The following PPARGC1B variants were observed in gnomAD, a reference collection of about 807,000 sequenced individuals.
PPARGC1B encodes the protein PPARG coactivator 1 beta.
Under a neutral mutation model 101.6 loss-of-function variants are expected in PPARGC1B, and 34 were observed. The observed-to-expected ratio is 0.33, with a 90% CI of 0.25 to 0.45. PPARGC1B has a LOEUF of 0.45. PPARGC1B is among the 20% of genes least tolerant of loss of function. PPARGC1B has a pLI of 1.00. For missense variants in PPARGC1B, 1,234 were observed against 1,317.6 expected (o/e 0.94, Z 0.98); for synonymous variants, 548 against 539.3 (o/e 1.02, Z -0.22).
chr5:149,809,080 G>A (rs1328770058), intron 1 of PPARGC1B, among the ~76,000 whole-genome samples: 3 of 151,576 alleles, frequency 2.0e-5, no homozygotes, highest in Non-Finnish European at 2.9e-5. Context: ...GTTTGAGACC[G>A]GCCTGGACAA....
intron 2 of PPARGC1B, among the ~76,000 whole-genome samples, chr5:149,821,302 TG>T (rs1272420941): frequency 6.6e-6 from 1 of 152,212 alleles, no homozygotes. Flanking sequence ...CTCCCAGCCC[TG>T]TGTGCTCCAG....
chr5:149,752,579 AG>A (rs1238570776), intron 1 of PPARGC1B, among the ~76,000 whole-genome samples: 11 of 152,254 alleles, frequency 7.2e-5, no homozygotes, highest in Non-Finnish European at 2.9e-5. Flanking sequence ...CTGTAATCCC[AG>A]CACTTTGGGA....
intron 1 of PPARGC1B, among the ~76,000 whole-genome samples, chr5:149,802,246 G>GA (rs976978165): frequency 3.9e-5 from 6 of 152,192 alleles, no homozygotes; most frequent in African/African-American, 1.4e-4. Flanking sequence ...TACACGGTCT[G>GA]AAAGGACACA....
chr5:149,831,683 G>A (rs1000500754), intron 4 of PPARGC1B, among the ~76,000 whole-genome samples: 2 of 152,176 alleles, frequency 1.3e-5, no homozygotes, highest in Admixed American at 6.5e-5. Context: ...AGCCTAAGAA[G>A]CTCCCCAGAG....
At chr5:149,792,119 A>C (rs1357258304) in intron 1 of PPARGC1B, among the ~76,000 whole-genome samples, 1 of 152,084 alleles carries the variant, frequency 6.6e-6, no homozygotes, top group Non-Finnish European at 1.5e-5. Flanking sequence ...AGTGGTGGAA[A>C]GGGGAACACG....
intron 11 of PPARGC1B, chr5:149,846,943 G>A (rs897680623): frequency 1.2e-5 from 2 of 171,956 alleles, no homozygotes; most frequent in African/African-American, 4.8e-5. Context: ...AAATTAGCTG[G>A]GCGTGGTGGC....
chr5:149,763,661 G>C (rs1755799322), intron 1 of PPARGC1B, among the ~76,000 whole-genome samples: 1 of 151,324 alleles, frequency 6.6e-6, no homozygotes, highest in African/African-American at 2.4e-5. Flanking sequence ...CTCCTGAGTA[G>C]CTGGGACTAT....
chr5:149,820,735 G>C, intron 2 of PPARGC1B, 129 bp downstream of exon 2: 1 of 929,608 alleles, frequency 1.1e-6, no homozygotes, highest in Non-Finnish European at 1.6e-6. Context: ...CACCAAAGCT[G>C]TTGGGCCCCG....
chr5:149,775,957 A>G (rs564301980), intron 1 of PPARGC1B, among the ~76,000 whole-genome samples: 4 of 152,060 alleles, frequency 2.6e-5, no homozygotes, highest in Admixed American at 1.3e-4. Flanking sequence ...ACAAATTCTT[A>G]TGACATAACC....
At chr5:149,805,347 T>C (rs886879130) in intron 1 of PPARGC1B, among the ~76,000 whole-genome samples, 3 of 152,208 alleles carry the variant, frequency 2.0e-5, no homozygotes, top group African/African-American at 7.2e-5. Context: ...AATAGGTACG[T>C]GTATATGAGT....
chr5:149,800,609 G>C (rs1355201602), intron 1 of PPARGC1B, among the ~76,000 whole-genome samples: 2 of 152,206 alleles, frequency 1.3e-5, no homozygotes, highest in African/African-American at 4.8e-5. Context: ...CTTTTGGTGA[G>C]AGCACTTACA....
intron 1 of PPARGC1B, among the ~76,000 whole-genome samples, chr5:149,748,286 GAGATAT>G (rs56098088): frequency 0.17 from 24,992 of 148,186 alleles, 2,376 homozygotes; most frequent in Admixed American, 0.26. Context: ...ATGGGGTGAA[GAGATAT>G]AGATATAGAT....
At chr5:149,788,625 A>G (rs1756895865) in intron 1 of PPARGC1B, among the ~76,000 whole-genome samples, 1 of 152,226 alleles carries the variant, frequency 6.6e-6, no homozygotes, top group African/African-American at 2.4e-5. Context: ...ACACATGCAC[A>G]TGTATGTTTA....
rs148788612 is a variant in PPARGC1B, at chr5:149,791,662, G to A, written c.79-28771G>A. Among the ~76,000 whole-genome samples, 364 of 151,990 alleles carry A rather than the reference G, an allele frequency of 2.4e-3. 1 individual carries two copies. The highest frequency in any genetic ancestry group is 8.6e-3 in the African/African-American group (356 of 41,444). ...GGGTAGTACAGAATATTGGTGCTGA[G>A]AGGGAATTTTTTTGCTGTAGGACTC... On this transcript the variant is annotated intron_variant, in intron 1 of 11. Coordinates refer to ENST00000309241, the MANE Select transcript of PPARGC1B (RefSeq NM_133263.4).
chr5:149,844,022 G>A (rs942354470), intron 10 of PPARGC1B, among the ~76,000 whole-genome samples: 2 of 152,242 alleles, frequency 1.3e-5, no homozygotes, highest in Admixed American at 6.5e-5. Flanking sequence ...TTTAATGGGC[G>A]TAGAGTTTCA....
intron 1 of PPARGC1B, among the ~76,000 whole-genome samples, chr5:149,780,944 C>A (rs1756575335): frequency 6.6e-6 from 1 of 152,200 alleles, no homozygotes; most frequent in Admixed American, 6.5e-5. Context: ...TGGCTCATGC[C>A]TGTAATCCCA....
intron 1 of PPARGC1B, among the ~76,000 whole-genome samples, chr5:149,754,931 G>A (rs968030240): frequency 1.3e-5 from 2 of 149,698 alleles, no homozygotes; most frequent in African/African-American, 4.9e-5. Flanking sequence ...ACAGGCACGC[G>A]CCACCATGCC....
intron 1 of PPARGC1B, among the ~76,000 whole-genome samples, chr5:149,757,041 G>A (rs985351399): frequency 2.6e-5 from 4 of 152,142 alleles, no homozygotes; most frequent in Admixed American, 6.5e-5. Flanking sequence ...ACAGAGAGGC[G>A]GAAAATACAC....
At chr5:149,802,759 T>C (rs898114536) in intron 1 of PPARGC1B, among the ~76,000 whole-genome samples, 1 of 152,028 alleles carries the variant, frequency 6.6e-6, no homozygotes, top group African/African-American at 2.4e-5. Context: ...CGATTTAAAA[T>C]TTTTGGCTTC....
Sources: gnomAD v4.1 joint callset for allele counts (sites outside exome capture counted in the v4.1 genomes callset) on GRCh38, gnomAD v4.1.1 for gene constraint, MANE v1.5 for transcripts, NCBI Gene and HGNC (gene_info 2026-07-23, HGNC 2026-07-21) for gene names.